The following RAD54B variants were observed in gnomAD, a reference collection of about 807,000 sequenced individuals.
RAD54B encodes RAD54 homolog B.
A neutral mutation model predicts 95.8 loss-of-function variants in RAD54B; 78 were observed. That is an observed-to-expected ratio of 0.81 (90% confidence interval 0.68 to 0.98). RAD54B has a LOEUF of 0.98. Among genes scored for constraint, RAD54B ranks in the 50% least tolerant of loss-of-function variants. RAD54B has a pLI of 0.00. For synonymous variants in RAD54B, 328 were observed against 354.9 expected (o/e 0.92, Z 0.85); for missense variants, 957 against 1,056.6 (o/e 0.91, Z 1.31).
At chr8:94,422,601 AAAAAAAAAAAAAAAAAATAT>A (rs1417938019) in intron 3 of RAD54B, among the ~76,000 whole-genome samples, 10 of 93,284 alleles carry the variant, frequency 1.1e-4, no homozygotes, top group South Asian at 3.4e-4. Flanking sequence ...AAAAAAAAAA[AAAAAAAAAAAAAAAAAATAT>A]ATATATATAT....
At chr8:94,460,876 C>T (rs1406355182) in intron 2 of RAD54B, among the ~76,000 whole-genome samples, 1 of 152,104 alleles carries the variant, frequency 6.6e-6, no homozygotes, top group Non-Finnish European at 1.5e-5. Flanking sequence ...CCATCTCTTT[C>T]TCTGATCCTC....
intron 5 of RAD54B, among the ~76,000 whole-genome samples, chr8:94,406,279 G>T (rs1384780647): frequency 1.3e-5 from 2 of 152,030 alleles, no homozygotes; most frequent in Non-Finnish European, 2.9e-5. Flanking sequence ...GCAAAACCAT[G>T]ATTCTTACTC....
At chr8:94,474,804 A>G (rs1049740788) in intron 1 of RAD54B, among the ~76,000 whole-genome samples, 197 bp downstream of exon 1, 2 of 152,254 alleles carry the variant, frequency 1.3e-5, no homozygotes, top group Middle Eastern at 3.4e-3. Context: ...CTTCGCTCCA[A>G]GGCCCCCGGG....
intron 3 of RAD54B, among the ~76,000 whole-genome samples, chr8:94,439,582 T>C (rs1440815802): frequency 6.6e-6 from 1 of 150,764 alleles, no homozygotes; most frequent in Admixed American, 6.7e-5. Flanking sequence ...GGGTGGCGTA[T>C]GGCTTACTTT....
At chr8:94,466,540 T>C (rs1455444535) in intron 2 of RAD54B, among the ~76,000 whole-genome samples, 1 of 152,034 alleles carries the variant, frequency 6.6e-6, no homozygotes, top group Non-Finnish European at 1.5e-5. Flanking sequence ...CCGGAGTAGC[T>C]GGGATTATAG....
Position 94,430,834 on chromosome 8 carries a change from A to G in RAD54B, c.305-19519T>C, listed in dbSNP as rs1254792920. ...GAGCTAAACAGCAGCTACCCTACCT[A>G]GTCCAGGGAGATGTCCTTCCTAGTC... On this transcript the variant is annotated intron_variant, in intron 3 of 14. Transcript: ENST00000336148. 3.0e-6 allele frequency: 3 copies of G among 985,338 alleles called. No homozygotes were observed. In the African/African-American group the frequency reaches 5.2e-5, roughly 17 times the overall value. The allele number at this position is 985,338 out of a possible 1,614,324, so 61.0% of individuals were successfully genotyped here.
chr8:94,457,297 C>T (rs2038556825), intron 3 of RAD54B, among the ~76,000 whole-genome samples: 1 of 152,170 alleles, frequency 6.6e-6, no homozygotes. Flanking sequence ...CAGAGCTAAA[C>T]TGCCATGCCC....
chr8:94,377,439 A>G (rs1810608695), intron 14 of RAD54B, among the ~76,000 whole-genome samples: 1 of 149,772 alleles, frequency 6.7e-6, no homozygotes, highest in Admixed American at 6.7e-5. Flanking sequence ...AGGAGGCTGA[A>G]GCTGGAAGAC....
At chr8:94,426,263 A>AT (rs974833196) in intron 3 of RAD54B, among the ~76,000 whole-genome samples, 16 of 146,478 alleles carry the variant, frequency 1.1e-4, no homozygotes, top group African/African-American at 4.3e-4. Context: ...TTTTGCAAAA[A>AT]TTAAAAAAAA....
At chr8:94,400,515 C>A in intron 6 of RAD54B, 52 bp from the exon 7 acceptor site, 1 of 1,400,486 alleles carries the variant, frequency 7.1e-7, no homozygotes, top group Non-Finnish European at 9.7e-7. Flanking sequence ...ATATTTTATG[C>A]TCTTAAAATC....
intron 6 of RAD54B, among the ~76,000 whole-genome samples, chr8:94,402,669 G>GAAACACTGT (rs1290955845): frequency 6.6e-6 from 1 of 152,128 alleles, no homozygotes; most frequent in Admixed American, 6.5e-5. Context: ...CACAGTTTGG[G>GAAACACTGT]AAACACTGTT....
At chr8:94,376,772 A>G (rs1290917787) in intron 14 of RAD54B, among the ~76,000 whole-genome samples, 4 of 148,998 alleles carry the variant, frequency 2.7e-5, no homozygotes, top group African/African-American at 7.3e-5. Context: ...TAACTAATAA[A>G]TATAATCATA....
chr8:94,453,896 A>G (rs1812722005), intron 3 of RAD54B, among the ~76,000 whole-genome samples: 1 of 151,984 alleles, frequency 6.6e-6, no homozygotes, highest in Admixed American at 6.6e-5. Context: ...GGTTCAAGCA[A>G]TTCTCTGGCC....
intron 8 of RAD54B, among the ~76,000 whole-genome samples, chr8:94,395,160 T>C (rs1263017859): frequency 1.3e-5 from 2 of 152,172 alleles, no homozygotes; most frequent in African/African-American, 4.8e-5. Context: ...AAGTCAATCA[T>C]GGTAATTCTG....
At chr8:94,413,491 T>C (rs934272438) in intron 3 of RAD54B, among the ~76,000 whole-genome samples, 2 of 152,152 alleles carry the variant, frequency 1.3e-5, no homozygotes, top group Non-Finnish European at 2.9e-5. Flanking sequence ...ACCAACTGGA[T>C]ACACATTTGG....
chr8:94,469,547 A>G (rs528106040), intron 1 of RAD54B, among the ~76,000 whole-genome samples: 2 of 152,376 alleles, frequency 1.3e-5, no homozygotes, highest in Admixed American at 1.3e-4. Context: ...GTATATGTCA[A>G]TTTTGATAAT....
intron 7 of RAD54B, among the ~76,000 whole-genome samples, chr8:94,399,997 C>T (rs1811231848): frequency 2.6e-5 from 4 of 151,390 alleles, no homozygotes; most frequent in Admixed American, 2.0e-4. Flanking sequence ...CTCACGACCT[C>T]ATTTAAACCT....
chr8:94,415,919 G>A (rs1325850152), intron 3 of RAD54B, among the ~76,000 whole-genome samples: 1 of 152,118 alleles, frequency 6.6e-6, no homozygotes, highest in Non-Finnish European at 1.5e-5. Context: ...CTGTTAGTGG[G>A]ACTGTAAACT....
chr8:94,456,596 C>T (rs114749337), intron 3 of RAD54B, among the ~76,000 whole-genome samples: 2,169 of 152,084 alleles, frequency 0.014, 47 homozygotes, highest in African/African-American at 0.049. Flanking sequence ...ATGTTAATTG[C>T]GTCATTCTTT....
Sources: gnomAD v4.1 joint callset for allele counts (sites outside exome capture counted in the v4.1 genomes callset) on GRCh38, gnomAD v4.1.1 for gene constraint, MANE v1.5 for transcripts, NCBI Gene and HGNC (gene_info 2026-07-23, HGNC 2026-07-21) for gene names.